The following SAMD9 variants were observed in gnomAD, a reference collection of about 807,000 sequenced individuals.
SAMD9 encodes sterile alpha motif domain containing 9.
In SAMD9, 3 loss-of-function variants were observed where a neutral mutation model predicts 1.5. The ratio of observed to expected loss-of-function variants is 2.05; its 90% confidence interval spans 0.93 to 5.29. The LOEUF is 5.29. SAMD9 is among the 30% of genes most tolerant of loss of function. SAMD9 has a pLI of 0.02. For missense variants in SAMD9, 1,597 were observed against 1,820.8 expected (o/e 0.88, Z 2.24); for synonymous variants, 635 against 631.9 (o/e 1.00, Z -0.07).
chr7:93,109,316 G>C (rs914382457), intron 2 of SAMD9, among the ~76,000 whole-genome samples: 7 of 152,236 alleles, frequency 4.6e-5, no homozygotes, highest in Non-Finnish European at 1.0e-4. Flanking sequence ...CATCATCAAA[G>C]ACCAAAGGTA....
rs1791623170 is a variant in SAMD9, at chr7:93,105,526, A to G, written c.572T>C (p.Ile191Thr). ...LQPETGPGNL[I>T]DPIHEFKAFT... ...GGCTTTGAATTCATGTATCGGATCA[A>G]TGAGATTGCCTGGTCCTGTTTCAGG... Residue 191 changes from isoleucine to threonine, a missense_variant, in exon 3 of 3, where the codon ATT becomes ACT. Coordinates refer to ENST00000379958, the MANE Select transcript of SAMD9 (RefSeq NM_017654.4). 1 of 1,614,108 alleles carries G rather than the reference A, an allele frequency of 6.2e-7. No homozygotes were observed. The highest frequency in any genetic ancestry group is 8.5e-7 in the Non-Finnish European group (1 of 1,179,990).
Position 93,102,766 on chromosome 7 carries a change from A to G in SAMD9, c.3332T>C (p.Ile1111Thr). Reference protein sequence around the residue: ...NALNWAKQAKIIEPDNSYISD... With the variant: ...NALNWAKQAKTIEPDNSYISD... The stretch of plus-strand genomic sequence containing the variant: ...GATATAAGAATTGTCAGGTTCTATG[A>G]TTTTTGCTTGTTTTGCCCAGTTTAG... Residue 1111 changes from isoleucine (I) to threonine (T), a missense_variant, in exon 3 of 3, where the codon ATC becomes ACC. Physicochemically the swap from Ile to Thr is moderately conservative, Grantham distance 89 (BLOSUM62 -1). Around this residue, in one of 6 missense-constraint regions of SAMD9, gnomAD observed 682 missense variants for 810.0 expected, o/e 0.84. Transcript: ENST00000379958. The G allele has an allele frequency of 6.2e-7, 1 of 1,613,788 alleles. No homozygotes were observed. Among genetic ancestry groups the G allele is most frequent in the African/African-American group, 1.3e-5 (1 of 74,990 alleles).
At position 93,104,372 on chromosome 7, in the gene SAMD9, T is replaced by C. The variant is rs1562775365; in HGVS notation, c.1726A>G (p.Ile576Val). Residue 576 changes from isoleucine to valine, a missense_variant, in exon 3 of 3, where the codon ATT becomes GTT. Physicochemically the swap from Ile to Val is conservative, Grantham distance 29. Coordinates refer to ENST00000379958, the MANE Select transcript of SAMD9 (RefSeq NM_017654.4). Reference sequence around the variant, plus strand: ...TGAAATATGTGTGGGTGCACACAAATACACAGTATATTTTCCATTCCTTTG... The same window carrying C: ...TGAAATATGTGTGGGTGCACACAAACACACAGTATATTTTCCATTCCTTTG... ...DLKGMENILC[I>V]CVHPHIFQGW... The C allele has an allele frequency of 1.2e-5, 19 of 1,613,818 alleles. No homozygotes were observed. The highest frequency in any genetic ancestry group is 2.2e-5 in the East Asian group (1 of 44,886).
chr7:93,103,256 T>C lies in SAMD9; in HGVS notation c.2842A>G (p.Lys948Glu), dbSNP rs1199442199. 6.2e-7 allele frequency: 1 copy of C among 1,613,606 alleles called. No individual in the cohort carries two copies. The highest frequency in any genetic ancestry group is 8.5e-7 in the Non-Finnish European group (1 of 1,179,730). The change falls in exon 3 of 3, where the codon AAG becomes GAG. Residue 948 changes from lysine (K) to glutamate (E), a missense_variant. By Grantham distance (56) the Lys-to-Glu change is moderately conservative. Coordinates refer to ENST00000379958, the MANE Select transcript of SAMD9 (RefSeq NM_017654.4). ...CEKFLGIGNK[K>E]AFWGTEKFED... is the part of the protein sequence containing the mutation. ...AATTTTTCTGTCCCCCAGAAAGCCT[T>C]CTTGTTTCCAATTCCTAAGAATTTT... is the stretch of plus-strand genomic sequence containing the variant.
chr7:93,117,001 C>A (rs1791842260), intron 1 of SAMD9, among the ~76,000 whole-genome samples: 1 of 152,104 alleles, frequency 6.6e-6, no homozygotes, highest in Non-Finnish European at 1.5e-5. Context: ...TTACTGTTTG[C>A]TTTGGGGAGA....
Position 93,111,754 on chromosome 7 carries a change from T to C in SAMD9, c.-9+3041A>G, listed in dbSNP as rs1791748370. On this transcript the variant is annotated intron_variant, in intron 2 of 2. Coordinates refer to ENST00000379958, the MANE Select transcript of SAMD9 (RefSeq NM_017654.4). ...ACACATACACCCTCCCAAGACTAAATCAGGAAGAAGTTGAATCCCTGAATA... is the reference window on the plus strand; with the variant it reads ...ACACATACACCCTCCCAAGACTAAACCAGGAAGAAGTTGAATCCCTGAATA... Among the ~76,000 whole-genome samples, 3 of 151,976 alleles carry C rather than the reference T, an allele frequency of 2.0e-5. No homozygotes were observed. The South Asian group carries it at 6.3e-4, about 32-fold the overall frequency.
rs1158842790 is a variant in SAMD9 at position 93,104,490 on chromosome 7, T to C, written c.1608A>G (p.Arg536=). The stretch of plus-strand genomic sequence containing the variant: ...ATAGAAATACCACCAAAAACTTCCC[T>C]CTTGGCATTATGTCTTCATGTGTAA... ...SFLTHEDIMP[R]GKFLVVFLLL... Residue 536 remains arginine, a synonymous_variant, in exon 3 of 3, where the codon AGA becomes AGG. Transcript: ENST00000379958. 2.7e-5 allele frequency: 44 copies of C among 1,613,906 alleles called. No homozygotes were observed. The highest frequency in any genetic ancestry group is 3.7e-5 in the Non-Finnish European group (44 of 1,179,922).
At chr7:93,108,870 G>A (rs181185642) in intron 2 of SAMD9, among the ~76,000 whole-genome samples, 4 of 152,110 alleles carry the variant, frequency 2.6e-5, no homozygotes, top group African/African-American at 9.6e-5. Flanking sequence ...CTCCACCTGT[G>A]GGGCAGGGCA....
chr7:93,116,321 TA>T (rs1460481039), intron 1 of SAMD9, among the ~76,000 whole-genome samples: 1 of 152,218 alleles, frequency 6.6e-6, no homozygotes, highest in African/African-American at 2.4e-5. Context: ...GGTTCTCATA[TA>T]AGAGTGTGGG....
rs1391494456 is a variant in SAMD9, at chr7:93,105,897, T to C, written c.201A>G (p.Ile67Met). ...TCCGCAATTCTTTGAATAGTTCTTC[T>C]ATTTGAATAGCTGGTCCATGTGTGA... ...MGITHGPAIQ[I>M]EELFKELRKT... Residue 67 changes from isoleucine to methionine, a missense_variant, in exon 3 of 3, where the codon ATA becomes ATG. Physicochemically the swap from Ile to Met is conservative, Grantham distance 10. Transcript: ENST00000379958. 14 of 1,614,018 alleles carry C rather than the reference T, an allele frequency of 8.7e-6. No individual in the cohort carries two copies. Among genetic ancestry groups the C allele is most frequent in the Non-Finnish European group, 1.2e-5 (14 of 1,180,020 alleles).
At chr7:93,112,198 C>A (rs1293637844) in intron 2 of SAMD9, among the ~76,000 whole-genome samples, 1 of 152,134 alleles carries the variant, frequency 6.6e-6, no homozygotes, top group Non-Finnish European at 1.5e-5. Context: ...GAACCAAAGA[C>A]AAAAACCACA....
intron 1 of SAMD9, among the ~76,000 whole-genome samples, chr7:93,115,475 T>C (rs983082743): frequency 1.3e-5 from 2 of 152,206 alleles, no homozygotes; most frequent in Admixed American, 6.5e-5. Context: ...ATTCTACTTA[T>C]ATAGTTTAAG....
At position 93,112,654 on chromosome 7, in the gene SAMD9, C is replaced by G. The variant is rs185509885; in HGVS notation, c.-9+2141G>C. ...AAAAATCACAAGCATTCCTATACAA[C>G]AATAACAGACAAACAGAGAGCCAAA... On this transcript the variant is annotated intron_variant, in intron 2 of 2. Transcript: ENST00000379958. 2.4e-4 allele frequency among the ~76,000 whole-genome samples: 37 copies of G among 152,268 alleles called. 1 individual carries two copies. In the East Asian group the frequency reaches 5.8e-3, roughly 24 times the overall value.
rs756571754 is a variant in SAMD9, at chr7:93,101,304, T to G, written c.*24A>C. On this transcript the variant is annotated 3_prime_UTR_variant, in exon 3 of 3. Coordinates refer to ENST00000379958, the MANE Select transcript of SAMD9 (RefSeq NM_017654.4). ...AATTAAATGGGTACTGAGATCAAATTCTTGGAGGAAGAATATCAGGCTCTT... is the reference window on the plus strand; with the variant it reads ...AATTAAATGGGTACTGAGATCAAATGCTTGGAGGAAGAATATCAGGCTCTT... 2 of 1,595,866 alleles carry G rather than the reference T, an allele frequency of 1.3e-6. No individual in the cohort carries two copies. Among genetic ancestry groups the G allele is most frequent in the Admixed American group, 3.3e-5 (2 of 59,996 alleles).
At position 93,102,006 on chromosome 7, in the gene SAMD9, ACATTTCATAGTGCTTATAG is replaced by A; in HGVS notation, c.4073_4091del (p.Ala1358ValfsTer2). On this transcript the variant is annotated frameshift_variant, in exon 3 of 3. Coordinates refer to ENST00000379958, the MANE Select transcript of SAMD9 (RefSeq NM_017654.4). LOFTEE classifies it low-confidence loss of function (END_TRUNC). The stretch of plus-strand genomic sequence containing the variant: ...AGAGAAAAGTATATTCGTTCACTAT[ACATTTCATAGTGCTTATAG>A]CATCCTCTTGACTTTTGATAAGATA... The A allele has an allele frequency of 1.9e-6, 3 of 1,613,518 alleles. No homozygotes were observed. Among genetic ancestry groups the A allele is most frequent in the Non-Finnish European group, 2.5e-6 (3 of 1,179,582 alleles).
chr7:93,111,444 A>G (rs980868244), intron 2 of SAMD9, among the ~76,000 whole-genome samples: 1 of 152,172 alleles, frequency 6.6e-6, no homozygotes, highest in Non-Finnish European at 1.5e-5. Flanking sequence ...GAAGGCAAGA[A>G]ATAACTAAGA....
Position 93,101,988 on chromosome 7 carries a change from A to C in SAMD9, c.4110T>G (p.Thr1370=). ...TGACAGTGCATTGTTCTAAGAGAAA[A>C]GTATATTCGTTCACTATACATTTCA... ...STMKCIVNEY[T]FLLEQCTVKI... Residue 1370 remains threonine (T), a synonymous_variant, in exon 3 of 3, where the codon ACT becomes ACG. Transcript: ENST00000379958. 1.2e-6 allele frequency: 2 copies of C among 1,613,784 alleles called. 1 individual carries two copies. Among genetic ancestry groups the C allele is most frequent in the South Asian group, 2.2e-5 (2 of 91,078 alleles).
chr7:93,113,572 T>C (rs1280215315), intron 2 of SAMD9, among the ~76,000 whole-genome samples: 1 of 151,970 alleles, frequency 6.6e-6, no homozygotes, highest in Non-Finnish European at 1.5e-5. Context: ...AGGGCTAATA[T>C]CCGGAATCTA....
Position 93,102,662 on chromosome 7 carries a change from C to T in SAMD9, c.3436G>A (p.Val1146Ile), listed in dbSNP as rs746851927. The change falls in exon 3 of 3, where the codon GTT becomes ATT. Residue 1146 changes from valine (V) to isoleucine (I), a missense_variant. Val to Ile is a conservative substitution (Grantham distance 29). Around this residue, in one of 6 missense-constraint regions of SAMD9, gnomAD observed 682 missense variants for 810.0 expected, o/e 0.84. Transcript: ENST00000379958. ...EENGGNGNIS[V>I]DDLIALLDLA... ...TCCAAAAGAGCAATTAGATCATCAACTGAAATGTTCCCGTTTCCTCCGTTT... is the reference window on the plus strand; with the variant it reads ...TCCAAAAGAGCAATTAGATCATCAATTGAAATGTTCCCGTTTCCTCCGTTT... 2 of 1,613,872 alleles carry T rather than the reference C, an allele frequency of 1.2e-6. No homozygotes were observed. The highest frequency in any genetic ancestry group is 2.2e-5 in the South Asian group (2 of 91,080).
Sources: allele counts gnomAD v4.1 joint callset (sites outside exome capture counted in the v4.1 genomes callset), GRCh38; gene constraint gnomAD v4.1.1; regional missense constraint gnomAD v4.1.1; transcripts MANE v1.5; gene names NCBI Gene and HGNC (gene_info 2026-07-23, HGNC 2026-07-21).